The following FRMD4A variants were observed in gnomAD, a reference collection of about 807,000 sequenced individuals.
FRMD4A encodes FERM domain containing 4A.
FRMD4A carries 29 observed loss-of-function variants against 129.1 expected under a neutral mutation model. That is an observed-to-expected ratio of 0.22 (90% CI 0.17 to 0.31). FRMD4A has a LOEUF of 0.31. FRMD4A is among the 10% of genes least tolerant of loss of function. The pLI, the probability that FRMD4A is intolerant of heterozygous loss-of-function variation, is 1.00. For synonymous variants in FRMD4A, 634 were observed against 571.6 expected (o/e 1.11, Z -1.56); for missense variants, 1,272 against 1,375.8 (o/e 0.92, Z 1.19).
chr10:13,769,125 G>A (rs2130729704), intron 6 of FRMD4A, among the ~76,000 whole-genome samples: 1 of 150,890 alleles, frequency 6.6e-6, no homozygotes, highest in Non-Finnish European at 1.5e-5. Context: ...CAAGTAGCTG[G>A]GACGACAGGC....
rs1207471495 is a variant in FRMD4A at position 13,714,059 on chromosome 10, T to TATATATATATATATATATATATATAA, written c.760-6947_760-6946insTTATATATATATATATATATATATAT. ...ATATATATATATATATATATATATA[T>TATATATATATATATATATATATATAA]AAAATATACTTTTTTTTTGAGACAC... On this transcript the variant is annotated intron_variant, in intron 12 of 24. Coordinates refer to ENST00000357447, the MANE Select transcript of FRMD4A (RefSeq NM_018027.5). Among the ~76,000 whole-genome samples the TATATATATATATATATATATATATAA allele has an allele frequency of 1.3e-3, 130 of 101,270 alleles. 4 individuals carry two copies. Among genetic ancestry groups the TATATATATATATATATATATATATAA allele is most frequent in the East Asian group, 1.7e-3 (5 of 3,018 alleles). 66.4% of individuals were successfully genotyped at this position (101,270 alleles called of 152,430 possible).
chr10:13,802,902 C>T (rs571262866), intron 4 of FRMD4A, among the ~76,000 whole-genome samples: 1 of 152,222 alleles, frequency 6.6e-6, no homozygotes, highest in Non-Finnish European at 1.5e-5. Flanking sequence ...AGACCAGGCA[C>T]TTTGGGAGGT....
At position 14,168,509 on chromosome 10, in the gene FRMD4A, C is replaced by G. The variant is rs977570154; in HGVS notation, c.45+161549G>C. Among the ~76,000 whole-genome samples, 9 of 152,294 alleles carry G rather than the reference C, an allele frequency of 5.9e-5. 1 individual carries two copies. Among genetic ancestry groups the G allele is most frequent in the Admixed American group, 5.9e-4 (9 of 15,292 alleles). The stretch of plus-strand genomic sequence containing the variant: ...TTTCGCTCTGACCTCTTTGAGCACA[C>G]TTGACAGGGGTTTTGCACTGTGACC... On this transcript the variant is annotated intron_variant, in intron 2 of 24. Transcript: ENST00000357447.
At chr10:14,101,712 A>G (rs1837311504) in intron 2 of FRMD4A, among the ~76,000 whole-genome samples, 1 of 150,896 alleles carries the variant, frequency 6.6e-6, no homozygotes, top group Admixed American at 6.6e-5. Context: ...CTACCTTCAA[A>G]TATGCCTGGC....
At chr10:14,145,361 A>C (rs1840025475) in intron 2 of FRMD4A, among the ~76,000 whole-genome samples, 1 of 152,192 alleles carries the variant, frequency 6.6e-6, no homozygotes, top group African/African-American at 2.4e-5. Flanking sequence ...CAGATTTTTA[A>C]AACGAGTTCT....
intron 2 of FRMD4A, among the ~76,000 whole-genome samples, chr10:13,959,060 T>C (rs920752912): frequency 3.3e-5 from 5 of 152,242 alleles, no homozygotes; most frequent in African/African-American, 4.8e-5. Context: ...GGGAATTTTA[T>C]TGGACAGCCT....
intron 2 of FRMD4A, among the ~76,000 whole-genome samples, chr10:14,057,756 G>C (rs1050698805): frequency 6.6e-6 from 1 of 152,112 alleles, no homozygotes; most frequent in South Asian, 2.1e-4. Context: ...TTTTAGTAGA[G>C]ATGGGGTTTC....
intron 2 of FRMD4A, among the ~76,000 whole-genome samples, chr10:13,989,141 C>T (rs1314254948): frequency 6.6e-6 from 1 of 151,990 alleles, no homozygotes; most frequent in African/African-American, 2.4e-5. Context: ...AGGGGGGTCT[C>T]AGTCTTCCAG....
chr10:14,172,546 C>T (rs981811202), intron 2 of FRMD4A, among the ~76,000 whole-genome samples: 2 of 152,202 alleles, frequency 1.3e-5, no homozygotes, highest in African/African-American at 2.4e-5. Context: ...GTTAGGAGCT[C>T]GGATCCACAG....
chr10:14,057,039 C>T (rs1424238020), intron 2 of FRMD4A, among the ~76,000 whole-genome samples: 2 of 152,146 alleles, frequency 1.3e-5, no homozygotes, highest in African/African-American at 4.8e-5. Flanking sequence ...TTCTGTATCT[C>T]TTCTGGCTTG....
intron 2 of FRMD4A, among the ~76,000 whole-genome samples, chr10:13,965,267 G>C (rs1270124312): frequency 6.6e-6 from 1 of 152,106 alleles, no homozygotes; most frequent in Non-Finnish European, 1.5e-5. Flanking sequence ...AAGGACTAGA[G>C]ATCTTATCAA....
intron 3 of FRMD4A, among the ~76,000 whole-genome samples, chr10:13,854,020 G>T (rs1351079915): frequency 6.6e-6 from 1 of 151,888 alleles, no homozygotes; most frequent in Non-Finnish European, 1.5e-5. Context: ...AGCCTCAAGA[G>T]AACCAAATAA....
chr10:14,212,535 C>T (rs142723818), intron 2 of FRMD4A, among the ~76,000 whole-genome samples: 128 of 152,256 alleles, frequency 8.4e-4, no homozygotes, highest in African/African-American at 3.0e-3. Context: ...GCCAGCTCAG[C>T]TCTCCCACTC....
intron 3 of FRMD4A, among the ~76,000 whole-genome samples, chr10:13,853,298 G>T (rs1208348360): frequency 1.3e-5 from 2 of 152,216 alleles, no homozygotes; most frequent in Non-Finnish European, 2.9e-5. Flanking sequence ...TTAACACTTT[G>T]AGAAGGAAAG....
intron 12 of FRMD4A, among the ~76,000 whole-genome samples, chr10:13,714,365 GTA>G (rs1181040811): frequency 1.3e-5 from 2 of 150,692 alleles, no homozygotes; most frequent in East Asian, 3.9e-4. Context: ...CCTGGCCCAG[GTA>G]TATGTTTTTA....
At chr10:13,668,537 A>ACC (rs1564563849) in intron 17 of FRMD4A, 1 of 152,104 alleles carries the variant, frequency 6.6e-6, no homozygotes, top group African/African-American at 2.4e-5. Flanking sequence ...TCCCAGAGGA[A>ACC]CCCCGCAGAA....
intron 2 of FRMD4A, among the ~76,000 whole-genome samples, chr10:13,969,062 T>C (rs183604600): frequency 1.3e-5 from 2 of 152,318 alleles, no homozygotes; most frequent in Admixed American, 6.5e-5. Context: ...ATGCTGACCA[T>C]GGGTTGGTAA....
intron 3 of FRMD4A, among the ~76,000 whole-genome samples, chr10:13,856,874 G>A (rs1163252693): frequency 6.6e-6 from 1 of 152,098 alleles, no homozygotes; most frequent in East Asian, 1.9e-4. Context: ...TCCAGAAGGT[G>A]GCTTCTTTCT....
intron 2 of FRMD4A, among the ~76,000 whole-genome samples, chr10:13,861,250 G>A (rs2094290798): frequency 6.6e-6 from 1 of 152,154 alleles, no homozygotes. Flanking sequence ...TGCAGGTACG[G>A]CAAGATTAAA....
Sources: allele counts gnomAD v4.1 joint callset (sites outside exome capture counted in the v4.1 genomes callset), GRCh38; gene constraint gnomAD v4.1.1; transcripts MANE v1.5; gene names NCBI Gene and HGNC (gene_info 2026-07-23, HGNC 2026-07-21).